Variants in ADGRL3 observed in about 807,000 individuals in gnomAD.
The protein encoded by ADGRL3 is adhesion G protein-coupled receptor L3.
In ADGRL3, 62 loss-of-function variants were observed where a neutral mutation model predicts 153.5. That is an observed-to-expected ratio of 0.40 (90% CI 0.33 to 0.50). The LOEUF (loss-of-function observed/expected upper bound fraction) is 0.50. Ranked by LOEUF, ADGRL3 falls within the 20% of genes least tolerant of loss-of-function variation. ADGRL3 has a pLI of 0.47. For missense variants in ADGRL3, 1,641 were observed against 1,859.4 expected, an observed-to-expected ratio of 0.88 and a Z score of 2.16; for synonymous variants, 710 against 672.5, an observed-to-expected ratio of 1.06 and a Z score of -0.86.
chr4:61,421,584 A>G (rs746615553), intron 2 of ADGRL3, among the ~76,000 whole-genome samples: 2 of 152,160 alleles, frequency 1.3e-5, no homozygotes, highest in Non-Finnish European at 2.9e-5. Flanking sequence ...AAATATTTCT[A>G]AATGCTTTGA....
chr4:62,012,599 T>C (rs1417063105), intron 21 of ADGRL3, among the ~76,000 whole-genome samples: 1 of 152,166 alleles, frequency 6.6e-6, no homozygotes, highest in African/African-American at 2.4e-5. Flanking sequence ...TCAAATTGCA[T>C]ACCTATAAAT....
rs1171079966 is a variant in ADGRL3, at chr4:61,996,327, T to C, written c.3273T>C (p.Ser1091=). 1 of 1,612,868 alleles carries C rather than the reference T, an allele frequency of 6.2e-7. No homozygotes were observed. Among genetic ancestry groups the C allele is most frequent in the Admixed American group, 1.7e-5 (1 of 59,980 alleles). The change falls in exon 20 of 27, where the codon AGT becomes AGC. Residue 1091 remains serine (S), a synonymous_variant. Transcript: ENST00000683033. ...GACTTGACACCTACTTCATTTGGAG[T>C]TTTATAGGACCAGCAACTTTGATAA... The part of the protein sequence containing the change: ...WLRLDTYFIW[S]FIGPATLIIM...
At position 61,730,615 on chromosome 4, in the gene ADGRL3, C is replaced by A; in HGVS notation, c.584-7C>A. On this transcript the variant is annotated splice_region_variant and splice_polypyrimidine_tract_variant and intron_variant, in intron 6 of 26. Coordinates refer to ENST00000683033, the MANE Select transcript of ADGRL3 (RefSeq NM_001387552.1). Reference sequence around the variant, plus strand: ...CCTTTCTCTCTTTACTTCTCTCTCTCCAATAGAAGTGGAACAAAAAGGTAA... The same window carrying A: ...CCTTTCTCTCTTTACTTCTCTCTCTACAATAGAAGTGGAACAAAAAGGTAA... The A allele has an allele frequency of 1.8e-6, 1 of 556,468 alleles. No homozygotes were observed. Among genetic ancestry groups the A allele is most frequent in the South Asian group, 3.3e-5 (1 of 30,312 alleles). The allele number at this position is 556,468 out of a possible 1,614,324, so 34.5% of individuals were successfully genotyped here.
intron 2 of ADGRL3, among the ~76,000 whole-genome samples, chr4:61,484,402 T>G (rs1449315023): frequency 6.6e-6 from 1 of 152,182 alleles, no homozygotes; most frequent in Non-Finnish European, 1.5e-5. Context: ...CTTAGTTAGG[T>G]CATCACTGCT....
chr4:62,026,631 G>T (rs552617687), intron 21 of ADGRL3, among the ~76,000 whole-genome samples: 5 of 151,986 alleles, frequency 3.3e-5, no homozygotes, highest in Non-Finnish European at 7.4e-5. Context: ...TACAGAGATA[G>T]AGAACAAAAC....
chr4:61,328,984 G>A (rs976734267), intron 1 of ADGRL3, among the ~76,000 whole-genome samples: 2 of 152,254 alleles, frequency 1.3e-5, no homozygotes, highest in East Asian at 3.9e-4. Context: ...TGTTAGGACT[G>A]ACCTGGTTGA....
At chr4:61,274,901 C>A (rs1428989841) in intron 1 of ADGRL3, among the ~76,000 whole-genome samples, 2 of 152,128 alleles carry the variant, frequency 1.3e-5, no homozygotes, top group Non-Finnish European at 2.9e-5. Flanking sequence ...GCACTCCAGC[C>A]TGGGTGACAG....
chr4:61,613,540 T>A (rs2091636768), intron 5 of ADGRL3, among the ~76,000 whole-genome samples: 2 of 152,110 alleles, frequency 1.3e-5, no homozygotes, highest in Non-Finnish European at 2.9e-5. Flanking sequence ...GGTCAGGAGT[T>A]CGAGACCAGC....
chr4:61,705,503 T>C (rs573001407), intron 6 of ADGRL3, among the ~76,000 whole-genome samples: 35 of 149,198 alleles, frequency 2.3e-4, no homozygotes, highest in Non-Finnish European at 4.7e-4. Flanking sequence ...ATTTTATATA[T>C]ATATATATAT....
chr4:62,066,604 A>T (rs899353085), intron 25 of ADGRL3, among the ~76,000 whole-genome samples: 1 of 152,104 alleles, frequency 6.6e-6, no homozygotes, highest in African/African-American at 2.4e-5. Flanking sequence ...AAAACCTGTC[A>T]ACAAAACATA....
chr4:61,487,660 G>A (rs1006559423), intron 2 of ADGRL3, among the ~76,000 whole-genome samples: 3 of 151,844 alleles, frequency 2.0e-5, no homozygotes, highest in African/African-American at 7.3e-5. Context: ...GTCTTAAATG[G>A]CATATTGTTA....
At chr4:61,499,787 A>C (rs940813596) in intron 3 of ADGRL3, among the ~76,000 whole-genome samples, 9 of 152,188 alleles carry the variant, frequency 5.9e-5, no homozygotes, top group African/African-American at 1.4e-4. Flanking sequence ...TCAATCTAAA[A>C]TTACCTTTGT....
At chr4:61,789,137 T>C (rs2097311168) in intron 8 of ADGRL3, among the ~76,000 whole-genome samples, 1 of 152,146 alleles carries the variant, frequency 6.6e-6, no homozygotes, top group African/African-American at 2.4e-5. Flanking sequence ...TTACTTATTT[T>C]TGGGATTTTA....
At position 61,733,405 on chromosome 4, in the gene ADGRL3, A is replaced by G. The variant is rs745610225; in HGVS notation, c.1250A>G (p.Lys417Arg). 4.3e-6 allele frequency: 7 copies of G among 1,613,684 alleles called. No individual in the cohort carries two copies. In the African/African-American group the frequency reaches 9.3e-5, roughly 22 times the overall value. ...IDYIYNTDQS[K>R]DSLVDVPFPN... The stretch of plus-strand genomic sequence containing the variant: ...TACATTTACAACACTGACCAAAGCA[A>G]GGATAGTTTGGTGGATGTACCCTTT... Residue 417 changes from lysine to arginine, a missense_variant, in exon 8 of 27, where the codon AAG (lysine) becomes AGG (arginine). Coordinates refer to ENST00000683033, the MANE Select transcript of ADGRL3 (RefSeq NM_001387552.1).
intron 8 of ADGRL3, among the ~76,000 whole-genome samples, chr4:61,753,247 A>T (rs2096779450): frequency 6.6e-6 from 1 of 150,980 alleles, no homozygotes; most frequent in South Asian, 2.1e-4. Flanking sequence ...AAAAAAAAAC[A>T]AAGATGAAAA....
intron 19 of ADGRL3, among the ~76,000 whole-genome samples, chr4:61,984,021 A>G (rs1456397221): frequency 6.6e-6 from 1 of 152,160 alleles, no homozygotes; most frequent in Non-Finnish European, 1.5e-5. Flanking sequence ...CATCAACAGA[A>G]AGAGTATAGG....
At chr4:61,566,176 A>G (rs2098815406) in intron 4 of ADGRL3, among the ~76,000 whole-genome samples, 1 of 145,082 alleles carries the variant, frequency 6.9e-6, no homozygotes, top group South Asian at 2.1e-4. Flanking sequence ...ATCCAGGATC[A>G]ATATGTTTGC....
intron 21 of ADGRL3, among the ~76,000 whole-genome samples, chr4:62,028,383 C>T (rs991459467): frequency 6.6e-6 from 1 of 151,662 alleles, no homozygotes; most frequent in African/African-American, 2.4e-5. Context: ...TAACTCAGGT[C>T]AATCATCTCC....
At chr4:61,849,113 G>A (rs1442213179) in intron 9 of ADGRL3, among the ~76,000 whole-genome samples, 1 of 152,104 alleles carries the variant, frequency 6.6e-6, no homozygotes, top group African/African-American at 2.4e-5. Context: ...AGCCACTGTT[G>A]GAAAATAATT....
Sources: allele counts gnomAD v4.1 joint callset (sites outside exome capture counted in the v4.1 genomes callset), GRCh38; gene constraint gnomAD v4.1.1; transcripts MANE v1.5; gene names NCBI Gene and HGNC (gene_info 2026-07-23, HGNC 2026-07-21).